NOTUM: variants seen among roughly 807,000 people sequenced by gnomAD.
NOTUM encodes palmitoleoyl-protein carboxylesterase NOTUM.
NOTUM carries 36 observed loss-of-function variants against 65.5 expected under a neutral mutation model. The observed-to-expected ratio is 0.55, with a 90% CI of 0.42 to 0.73. The LOEUF is 0.73. NOTUM is among the 30% of genes least tolerant of loss of function. The probability of loss-of-function intolerance (pLI) is 0.00; values close to 1 mark genes in which losing one functional copy is unlikely to be tolerated. For missense variants in NOTUM, 659 were observed against 694.2 expected, an observed-to-expected ratio of 0.95 and a Z score of 0.57; for synonymous variants, 356 against 297.9, an observed-to-expected ratio of 1.20 and a Z score of -2.01.
chr17:81,955,190 A>C (rs2143941400), intron 9 of NOTUM, among the ~76,000 whole-genome samples: 1 of 152,056 alleles, frequency 6.6e-6, no homozygotes, highest in African/African-American at 2.4e-5. Context: ...CATGTTGGCC[A>C]GGCTGGTCTC....
In NOTUM at chr17:81,958,326, G is replaced by A. The variant is rs138575486; in HGVS notation, c.592+9C>T. 3.2e-4 allele frequency: 518 copies of A among 1,597,952 alleles called. 2 individuals carry two copies. The African/African-American group carries it at 6.0e-3, about 19-fold the overall frequency. Reference sequence around the variant, plus strand: ...TGCCCTGCCATGCCCTGGGAAGGCCGAGACTCACTCTTCTCAGACTTGGAT... The same window carrying A: ...TGCCCTGCCATGCCCTGGGAAGGCCAAGACTCACTCTTCTCAGACTTGGAT... On this transcript the variant is annotated intron_variant, in intron 5 of 10. Coordinates refer to ENST00000409678, the MANE Select transcript of NOTUM (RefSeq NM_178493.6).
Position 81,959,483 on chromosome 17 carries a change from G to T in NOTUM, c.460C>A (p.Arg154Ser). Residue 154 changes from arginine (R) to serine (S), a missense_variant, in exon 3 of 11, where the codon CGC becomes AGC. Coordinates refer to ENST00000409678, the MANE Select transcript of NOTUM (RefSeq NM_178493.6). The stretch of plus-strand genomic sequence containing the variant: ...GCCCGCCGCTGACCTGTGCGAGTGC[G>T]CGGCCAGTCCCGGGAGCTCATGAGG... The part of the protein sequence containing the change: ...RRLMSSRDWP[R>S]TRTGTGILSS... 1 of 1,547,516 alleles carries T rather than the reference G, an allele frequency of 6.5e-7. No individual in the cohort carries two copies. Among genetic ancestry groups the T allele is most frequent in the Non-Finnish European group, 8.7e-7 (1 of 1,146,148 alleles).
chr17:81,954,361 C>A, intron 9 of NOTUM, 58 bp from the exon 10 acceptor site: 1 of 1,273,772 alleles, frequency 7.9e-7, no homozygotes, highest in Non-Finnish European at 1.1e-6. Flanking sequence ...CCTTTTCCAC[C>A]CCCACTCCCC....
chr17:81,956,518 G>A (rs535592275), intron 8 of NOTUM, 132 bp downstream of exon 8: 11 of 656,040 alleles, frequency 1.7e-5, no homozygotes, highest in East Asian at 1.7e-4. Flanking sequence ...GTACACAGCC[G>A]GACTCCTCCC....
intron 9 of NOTUM, among the ~76,000 whole-genome samples, chr17:81,954,612 C>T (rs1320125493): frequency 3.3e-5 from 5 of 152,200 alleles, no homozygotes; most frequent in Non-Finnish European, 5.9e-5. Flanking sequence ...TATTTTGAGT[C>T]GGGGTCTGGC....
rs2041474550 is a variant in NOTUM at position 81,961,084 on chromosome 17, G to A, written c.-175C>T. 5.9e-6 allele frequency: 1 copy of A among 168,300 alleles called. No individual in the cohort carries two copies. Among genetic ancestry groups the A allele is most frequent in the South Asian group, 1.7e-4 (1 of 5,746 alleles). 10.4% of individuals were successfully genotyped at this position (168,300 alleles called of 1,614,324 possible). Reference sequence around the variant, plus strand: ...GAAGGCGCGCGCGGCTCGGCGTCGAGGCGCTCGGGGCCGGGTGCCGTCGGC... The same window carrying A: ...GAAGGCGCGCGCGGCTCGGCGTCGAAGCGCTCGGGGCCGGGTGCCGTCGGC... On this transcript the variant is annotated 5_prime_UTR_variant, in exon 1 of 11. Transcript: ENST00000409678.
chr17:81,957,825 G>T lies in NOTUM; in HGVS notation c.676C>A (p.Leu226Met). The T allele has an allele frequency of 1.2e-6, 2 of 1,606,788 alleles. No individual in the cohort carries two copies. Among genetic ancestry groups the T allele is most frequent in the Non-Finnish European group, 1.7e-6 (2 of 1,177,188 alleles). Residue 226 changes from leucine (L) to methionine (M), a missense_variant, in exon 6 of 11, where the codon CTG (leucine) becomes ATG (methionine). Transcript: ENST00000409678. ...GCCCACCTGCTCCCGGCCAGCAGCA[G>T]CACCTTGGCCCCGCTCAGCCCTCTG... ...LGRGLSGAKV[L>M]LLAGSSAGGT...
Position 81,953,121 on chromosome 17 carries a change from T to C in NOTUM, c.1331A>G (p.His444Arg). 6.2e-7 allele frequency: 1 copy of C among 1,613,578 alleles called. No homozygotes were observed. Among genetic ancestry groups the C allele is most frequent in the East Asian group, 2.2e-5 (1 of 44,864 alleles). ...VHLVDSCPWP[H>R]CNPSCPTVRD... ...GACGGTGGGGCATGAGGGGTTGCAG[T>C]GGGGCCAGGGGCAGCTGTCCACCAG... Residue 444 changes from histidine to arginine, a missense_variant, in exon 11 of 11, where the codon CAC becomes CGC. Transcript: ENST00000409678.
intron 3 of NOTUM, chr17:81,959,196 G>A: frequency 1.6e-6 from 1 of 621,326 alleles, no homozygotes; most frequent in Non-Finnish European, 2.9e-6. Flanking sequence ...TGGCCACGGT[G>A]CCCGGCTAGG....
At chr17:81,958,838 G>A (rs888230544) in intron 4 of NOTUM, 97 bp downstream of exon 4, 3 of 928,954 alleles carry the variant, frequency 3.2e-6, no homozygotes, top group Non-Finnish European at 5.2e-6. Context: ...GGACCCCCAG[G>A]AAAGACCATT....
At position 81,953,084 on chromosome 17, in the gene NOTUM, G is replaced by A; in HGVS notation, c.1368C>T (p.Phe456=). The A allele has an allele frequency of 2.5e-6, 4 of 1,613,966 alleles. No individual in the cohort carries two copies. In the East Asian group the frequency reaches 8.9e-5, roughly 36 times the overall value. Residue 456 remains phenylalanine, a synonymous_variant, in exon 11 of 11, where the codon TTC becomes TTT. Coordinates refer to ENST00000409678, the MANE Select transcript of NOTUM (RefSeq NM_178493.6). The stretch of plus-strand genomic sequence containing the variant: ...GGGCCACGTTCATCTCTTGCCCCGT[G>A]AACTGGTCTCGGACGGTGGGGCATG... ...NPSCPTVRDQ[F]TGQEMNVAQF... is the part of the protein sequence containing the mutation.
Position 81,961,050 on chromosome 17 carries a change from C to T in NOTUM, c.-141G>A, listed in dbSNP as rs2143951666. On this transcript the variant is annotated 5_prime_UTR_variant, in exon 1 of 11. Coordinates refer to ENST00000409678, the MANE Select transcript of NOTUM (RefSeq NM_178493.6). Reference sequence around the variant, plus strand: ...CTCGCCCCCGCTCCCGCCCGCCGGGCCTGGCGGAGAAGGCGCGCGCGGCTC... The same window carrying T: ...CTCGCCCCCGCTCCCGCCCGCCGGGTCTGGCGGAGAAGGCGCGCGCGGCTC... The T allele has an allele frequency of 3.7e-6, 1 of 272,104 alleles. No homozygotes were observed. Among genetic ancestry groups the T allele is most frequent in the South Asian group, 1.3e-4 (1 of 7,688 alleles). The allele number at this position is 272,104 out of a possible 1,614,324, so 16.9% of individuals were successfully genotyped here.
chr17:81,952,699 T>G lies in NOTUM; in HGVS notation c.*262A>C. On this transcript the variant is annotated 3_prime_UTR_variant, in exon 11 of 11. Coordinates refer to ENST00000409678, the MANE Select transcript of NOTUM (RefSeq NM_178493.6). Reference sequence around the variant, plus strand: ...GCTGGTGGACTGAGGAATCCAGTGCTTCTCTTCTGGCTACCCCCTCGTTGT... The same window carrying G: ...GCTGGTGGACTGAGGAATCCAGTGCGTCTCTTCTGGCTACCCCCTCGTTGT... 2 of 550,608 alleles carry G rather than the reference T, an allele frequency of 3.6e-6. No individual in the cohort carries two copies. The highest frequency in any genetic ancestry group is 6.5e-6 in the Non-Finnish European group (2 of 309,706). The allele number at this position is 550,608 out of a possible 1,614,324, so 34.1% of individuals were successfully genotyped here. A position where few individuals can be genotyped will look rare whatever the true frequency, so the allele number is the denominator to read the frequency against.
In NOTUM at chr17:81,960,646, G is replaced by A; in HGVS notation, c.264C>T (p.Asp88=). The A allele has an allele frequency of 1.9e-6, 3 of 1,571,342 alleles. No individual in the cohort carries two copies. Among genetic ancestry groups the A allele is most frequent in the Non-Finnish European group, 2.6e-6 (3 of 1,156,628 alleles). ...YPCSAQQLNE[D]LRLHLLLNTS... is the part of the protein sequence containing the mutation. ...TGTTGAGTAGGAGGTGCAGGCGCAGGTCCTCGTTGAGCTGCTGCGCGGAGC... is the reference window on the plus strand; with the variant it reads ...TGTTGAGTAGGAGGTGCAGGCGCAGATCCTCGTTGAGCTGCTGCGCGGAGC... The change falls in exon 1 of 11, where the codon GAC becomes GAT. Residue 88 remains aspartate (D), a synonymous_variant. Coordinates refer to ENST00000409678, the MANE Select transcript of NOTUM (RefSeq NM_178493.6). This position sits in a 1 kb window ranked among gnomAD's most constrained non-coding sequence, Gnocchi z 6.4.
rs2041458732 is a variant in NOTUM at position 81,959,597 on chromosome 17, C to A, written c.377-31G>T. The stretch of plus-strand genomic sequence containing the variant: ...GACACGACCGCCGCTCAGGCCCGCG[C>A]GCACAGACCCCCGGCCTCCCCCCGC... On this transcript the variant is annotated intron_variant, in intron 2 of 10. Transcript: ENST00000409678. 2.6e-6 allele frequency: 4 copies of A among 1,546,608 alleles called. No individual in the cohort carries two copies. The South Asian group carries it at 3.6e-5, about 14-fold the overall frequency.
chr17:81,957,750 T>A, intron 6 of NOTUM, 56 bp downstream of exon 6: 7 of 1,210,492 alleles, frequency 5.8e-6, no homozygotes, highest in South Asian at 1.3e-5. Flanking sequence ...ACCCCTTCCA[T>A]GCACCCTGCA....
At chr17:81,955,642 C>T (rs1281779130) in intron 8 of NOTUM, 98 bp from the exon 9 acceptor site, 11 of 1,172,242 alleles carry the variant, frequency 9.4e-6, no homozygotes, top group Non-Finnish European at 1.1e-5. Flanking sequence ...GCAGTGCCCC[C>T]ACCCCAGGCT....
In NOTUM at chr17:81,959,458, G is replaced by A. The variant is rs1485619698; in HGVS notation, c.472+13C>T. ...CTCACGTCGAGACGCCTTCCCCAGG[G>A]CCCGCCGCTGACCTGTGCGAGTGCG... On this transcript the variant is annotated intron_variant, in intron 3 of 10. Transcript: ENST00000409678. 6 of 1,539,644 alleles carry A rather than the reference G, an allele frequency of 3.9e-6. No homozygotes were observed. In the South Asian group the frequency reaches 4.8e-5, roughly 12 times the overall value.
At chr17:81,956,092 C>T (rs894359314) in intron 8 of NOTUM, among the ~76,000 whole-genome samples, 4 of 152,304 alleles carry the variant, frequency 2.6e-5, no homozygotes, top group African/African-American at 9.6e-5. Flanking sequence ...AGCTTCATAA[C>T]TAAATCAATA....
Sources: allele counts gnomAD v4.1 joint callset (sites outside exome capture counted in the v4.1 genomes callset), GRCh38; gene constraint gnomAD v4.1.1; non-coding constraint Gnocchi (gnomAD v3.1); transcripts MANE v1.5; gene names NCBI Gene and HGNC (gene_info 2026-07-23, HGNC 2026-07-21).